The following SVEP1 variants were observed in gnomAD, a reference collection of about 807,000 sequenced individuals.
SVEP1 encodes the protein sushi, von Willebrand factor type A, EGF and pentraxin domain-containing protein 1.
A neutral mutation model predicts 367.3 loss-of-function variants in SVEP1; 164 were observed. The ratio of observed to expected loss-of-function variants is 0.45; its 90% CI spans 0.39 to 0.51. The LOEUF is 0.51. Among genes scored for constraint, SVEP1 ranks in the 20% least tolerant of loss-of-function variants. The probability of loss-of-function intolerance (pLI) is 0.00; values close to 1 mark genes in which losing one functional copy is unlikely to be tolerated. For missense variants in SVEP1, 4,117 were observed against 4,425.3 expected (o/e 0.93, Z 1.98); for synonymous variants, 1,666 against 1,611.6 (o/e 1.03, Z -0.81).
rs1264984422 is a variant in SVEP1 at position 110,408,219 on chromosome 9, T to C, written c.7381A>G (p.Thr2461Ala). 1 of 1,613,868 alleles carries C rather than the reference T, an allele frequency of 6.2e-7. No individual in the cohort carries two copies. Among genetic ancestry groups the C allele is most frequent in the African/African-American group, 1.3e-5 (1 of 74,914 alleles). The change falls in exon 38 of 48, where the codon ACA becomes GCA. Residue 2461 changes from threonine (T) to alanine (A), a missense_variant. Thr to Ala is a moderately conservative substitution (Grantham distance 58). Around this residue, in one of 4 missense-constraint regions of SVEP1, gnomAD observed 1,765 missense variants for 1,781.1 expected, o/e 0.99. Transcript: ENST00000374469. ...CCTGGCTTGCAGGTATAGAGAGCTG[T>C]GCTGAGATAGGCAAGGCCTTGCACA... ...IDVQGLAYLS[T>A]ALYTCKPGFE...
intron 26 of SVEP1, 42 bp downstream of exon 26, chr9:110,445,795 A>G: frequency 6.2e-7 from 1 of 1,607,248 alleles, no homozygotes; most frequent in Non-Finnish European, 8.5e-7. Flanking sequence ...TTCGGTTCCA[A>G]GATAAGATCT....
At chr9:110,382,698 C>G (rs149148702) in intron 43 of SVEP1, among the ~76,000 whole-genome samples, 2 of 152,208 alleles carry the variant, frequency 1.3e-5, no homozygotes, top group African/African-American at 4.8e-5. Context: ...TTTCAGGTAC[C>G]CCGATCAATC....
At chr9:110,509,450 C>G (rs1286047107) in intron 5 of SVEP1, among the ~76,000 whole-genome samples, 1 of 152,170 alleles carries the variant, frequency 6.6e-6, no homozygotes, top group Admixed American at 6.5e-5. Flanking sequence ...AGCATCTCTC[C>G]TTACTCTGCT....
intron 45 of SVEP1, chr9:110,376,695 G>C (rs576224773): frequency 6.6e-6 from 1 of 152,286 alleles, no homozygotes; most frequent in East Asian, 1.9e-4. Context: ...TTGAAATAAA[G>C]TGTAGTTGAG....
At position 110,579,463 on chromosome 9, in the gene SVEP1, C is replaced by G. The variant is rs751300823; in HGVS notation, c.81G>C (p.Ser27=). ...GWATFQQMSP[S]RNFSFRLFPE... ...GGAAGAGGCGGAAGCTGAAATTGCGCGACGGGGACATCTGCTGAAAGGTCG... is the reference window on the plus strand; with the variant it reads ...GGAAGAGGCGGAAGCTGAAATTGCGGGACGGGGACATCTGCTGAAAGGTCG... The change falls in exon 1 of 48, where the codon TCG becomes TCC. Residue 27 remains serine (S), a synonymous_variant. Coordinates refer to ENST00000374469, the MANE Select transcript of SVEP1 (RefSeq NM_153366.4). The surrounding 1 kb of genome is among the most constrained non-coding windows in gnomAD (Gnocchi z 5.3). The G allele has an allele frequency of 1.2e-6, 2 of 1,602,214 alleles. No homozygotes were observed. The highest frequency in any genetic ancestry group is 8.5e-7 in the Non-Finnish European group (1 of 1,175,472).
intron 40 of SVEP1, among the ~76,000 whole-genome samples, chr9:110,396,671 T>C (rs1439195543): frequency 2.0e-5 from 2 of 99,576 alleles, no homozygotes; most frequent in Middle Eastern, 5.2e-3. Flanking sequence ...ATATCACCAC[T>C]GATCCCACAG....
chr9:110,384,315 T>C (rs1456691469), intron 43 of SVEP1, among the ~76,000 whole-genome samples: 1 of 142,584 alleles, frequency 7.0e-6, no homozygotes, highest in Admixed American at 7.0e-5. Flanking sequence ...TGGGCCGTTG[T>C]ACCACCTTGC....
intron 13 of SVEP1, among the ~76,000 whole-genome samples, chr9:110,479,255 C>A (rs910816103): frequency 6.6e-6 from 1 of 152,002 alleles, no homozygotes; most frequent in African/African-American, 2.4e-5. Flanking sequence ...CCTTTCTAAA[C>A]AAAAATGCAT....
intron 18 of SVEP1, among the ~76,000 whole-genome samples, chr9:110,462,685 C>G (rs1243642831): frequency 6.6e-6 from 1 of 151,294 alleles, no homozygotes; most frequent in Non-Finnish European, 1.5e-5. Context: ...AAAAATGCAA[C>G]AAAACCCTCT....
chr9:110,375,310 T>A, intron 46 of SVEP1, 58 bp downstream of exon 46: 1 of 1,426,262 alleles, frequency 7.0e-7, no homozygotes, highest in Non-Finnish European at 9.5e-7. Flanking sequence ...CTCTTCAATG[T>A]CCTCTGGAGT....
chr9:110,504,342 G>A (rs1018340685), intron 5 of SVEP1, among the ~76,000 whole-genome samples: 12 of 152,096 alleles, frequency 7.9e-5, no homozygotes, highest in African/African-American at 2.9e-4. Flanking sequence ...TTACAGGCGT[G>A]AGCCACCGCA....
chr9:110,367,731 G>C (rs887665977), intron 47 of SVEP1, among the ~76,000 whole-genome samples: 4 of 152,008 alleles, frequency 2.6e-5, no homozygotes, highest in African/African-American at 9.7e-5. Flanking sequence ...TTTTAAACTG[G>C]GACAGTGTAC....
chr9:110,407,647 A>T lies in SVEP1; in HGVS notation c.7953T>A (p.Pro2651=). ...MEVPYVTPHP[P]YHLGAVAKTW... Reference sequence around the variant, plus strand: ...TTTTAGCCACTGCTCCCAAATGATAAGGAGGGTGAGGAGTCACATATGGAA... The same window carrying T: ...TTTTAGCCACTGCTCCCAAATGATATGGAGGGTGAGGAGTCACATATGGAA... The change falls in exon 38 of 48, where the codon CCT becomes CCA. Residue 2651 remains proline (P), a synonymous_variant. Coordinates refer to ENST00000374469, the MANE Select transcript of SVEP1 (RefSeq NM_153366.4). 1 of 1,614,016 alleles carries T rather than the reference A, an allele frequency of 6.2e-7. No homozygotes were observed.
At chr9:110,476,383 C>T (rs1829097052) in intron 13 of SVEP1, 68 bp from the exon 14 acceptor site, 1 of 1,182,804 alleles carries the variant, frequency 8.5e-7, no homozygotes, top group South Asian at 1.2e-5. Context: ...AAACACTTTG[C>T]TCCCCTGGCC....
chr9:110,510,358 C>G (rs1403905903), intron 5 of SVEP1, among the ~76,000 whole-genome samples: 1 of 152,198 alleles, frequency 6.6e-6, no homozygotes, highest in Non-Finnish European at 1.5e-5. Flanking sequence ...GCTCTATTCC[C>G]TGAAATAAAT....
chr9:110,542,860 A>C (rs1830168514), intron 3 of SVEP1, among the ~76,000 whole-genome samples: 1 of 151,648 alleles, frequency 6.6e-6, no homozygotes, highest in African/African-American at 2.4e-5. Flanking sequence ...GATATACTTA[A>C]TGTGAATGAC....
In SVEP1 at chr9:110,528,154, GTGTATATATATATATATA is replaced by G. The variant is rs1379304367; in HGVS notation, c.965-14066_965-14049del. Among the ~76,000 whole-genome samples the G allele has an allele frequency of 8.7e-3, 224 of 25,730 alleles. 2 individuals carry two copies. The highest frequency in any genetic ancestry group is 0.021 in the African/African-American group (215 of 10,366). The allele number at this position is 25,730 out of a possible 152,430, so 16.9% of individuals were successfully genotyped here. A position where few individuals can be genotyped will look rare whatever the true frequency, so the allele number is the denominator to read the frequency against. Reference sequence around the variant, plus strand: ...CACGTGTGTGTGTGTGTGTGTGTGTGTGTATATATATATATATATATATATATATATATGCCACATTTT... The same window carrying G: ...CACGTGTGTGTGTGTGTGTGTGTGTGTATATATATATATATGCCACATTTT... On this transcript the variant is annotated intron_variant, in intron 3 of 47. Coordinates refer to ENST00000374469, the MANE Select transcript of SVEP1 (RefSeq NM_153366.4).
intron 1 of SVEP1, among the ~76,000 whole-genome samples, chr9:110,572,415 G>C (rs528500428): frequency 6.6e-6 from 1 of 152,132 alleles, no homozygotes; most frequent in Non-Finnish European, 1.5e-5. Context: ...ATAATAATAA[G>C]TGCCTTTAAC....
chr9:110,571,811 C>T (rs920535108), intron 1 of SVEP1, among the ~76,000 whole-genome samples: 14 of 152,168 alleles, frequency 9.2e-5, no homozygotes, highest in African/African-American at 3.4e-4. Flanking sequence ...GCGGGGACTC[C>T]AGTGGGCTGA....
Sources: allele counts gnomAD v4.1 joint callset (sites outside exome capture counted in the v4.1 genomes callset), GRCh38; gene constraint gnomAD v4.1.1; regional missense constraint gnomAD v4.1.1; non-coding constraint Gnocchi (gnomAD v3.1); transcripts MANE v1.5; gene names NCBI Gene and HGNC (gene_info 2026-07-23, HGNC 2026-07-21).